The following AKT3 variants were observed in gnomAD, a reference collection of about 807,000 sequenced individuals.
AKT3 encodes the protein RAC-gamma serine/threonine-protein kinase.
A neutral mutation model predicts 65.3 loss-of-function variants in AKT3; 15 were observed. The observed-to-expected ratio is 0.23, with a 90% CI of 0.15 to 0.35. The LOEUF (loss-of-function observed/expected upper bound fraction) is 0.35. AKT3 is among the 10% of genes least tolerant of loss of function. The pLI, the probability that AKT3 is intolerant of heterozygous loss-of-function variation, is 1.00. For synonymous variants in AKT3, 206 were observed against 183.8 expected, an observed-to-expected ratio of 1.12 and a Z score of -0.98; for missense variants, 243 against 576.5, an observed-to-expected ratio of 0.42 and a Z score of 5.92.
chr1:243,636,308 T>A (rs1231363381), intron 6 of AKT3, among the ~76,000 whole-genome samples: 6 of 152,088 alleles, frequency 3.9e-5, no homozygotes, highest in Non-Finnish European at 2.9e-5. Flanking sequence ...ACTATTATAT[T>A]TATCTATTCA....
At chr1:243,632,664 A>G (rs1190932428) in intron 6 of AKT3, among the ~76,000 whole-genome samples, 2 of 152,226 alleles carry the variant, frequency 1.3e-5, no homozygotes, top group African/African-American at 4.8e-5. Context: ...TTTCTAAGGA[A>G]GTCCTAAGTT....
At chr1:243,850,375 T>C (rs1695727579), upstream of AKT3, among the ~76,000 whole-genome samples, 1 of 150,512 alleles carries the variant, frequency 6.6e-6, no homozygotes, top group Non-Finnish European at 1.5e-5. Context: ...GCGGAGACTC[T>C]ACATGGGAAT....
At chr1:243,777,759 C>T (rs944918329) in intron 2 of AKT3, among the ~76,000 whole-genome samples, 4 of 152,044 alleles carry the variant, frequency 2.6e-5, no homozygotes, top group Non-Finnish European at 5.9e-5. Flanking sequence ...TTTTGGAAGA[C>T]ATTACACAAA....
At chr1:243,601,439 C>A (rs953276070) in intron 8 of AKT3, among the ~76,000 whole-genome samples, 5 of 151,970 alleles carry the variant, frequency 3.3e-5, no homozygotes, top group Non-Finnish European at 5.9e-5. Flanking sequence ...GACTACCATG[C>A]CAAGTGTGGT....
chr1:243,827,420 T>C (rs552111920), intron 2 of AKT3, among the ~76,000 whole-genome samples: 1 of 152,324 alleles, frequency 6.6e-6, no homozygotes, highest in South Asian at 2.1e-4. Flanking sequence ...GAAATTAAGA[T>C]ACCCTCTGCC....
chr1:243,655,916 A>G (rs932171659), intron 4 of AKT3, among the ~76,000 whole-genome samples: 1 of 152,176 alleles, frequency 6.6e-6, no homozygotes, highest in African/African-American at 2.4e-5. Context: ...TCTTTCTTCA[A>G]TACAGTTTTG....
chr1:243,685,729 C>T (rs1030790358), intron 3 of AKT3, among the ~76,000 whole-genome samples: 1 of 152,070 alleles, frequency 6.6e-6, no homozygotes, highest in African/African-American at 2.4e-5. Context: ...CACTCCTATT[C>T]AACATAGTAT....
chr1:243,804,498 T>C (rs1481770270), intron 2 of AKT3, among the ~76,000 whole-genome samples: 1 of 152,216 alleles, frequency 6.6e-6, no homozygotes. Context: ...CTCACATAGT[T>C]ATCATTTTTG....
intron 2 of AKT3, among the ~76,000 whole-genome samples, chr1:243,781,105 TA>T (rs1260649927): frequency 6.6e-6 from 1 of 152,138 alleles, no homozygotes; most frequent in Non-Finnish European, 1.5e-5. Flanking sequence ...TACAGCCTTC[TA>T]AAATTTTTTT....
chr1:243,767,644 TAAAA>T (rs1309190386), intron 2 of AKT3, among the ~76,000 whole-genome samples: 1 of 152,062 alleles, frequency 6.6e-6, no homozygotes, highest in African/African-American at 2.4e-5. Context: ...CATTTAGAGA[TAAAA>T]AATTTACATA....
Position 243,489,230 on chromosome 1 carries a change from C to T in AKT3, c.*7-780G>A, listed in dbSNP as rs571164482. The T allele has an allele frequency of 2.3e-4, 345 of 1,491,202 alleles. 1 individual carries two copies. The highest frequency in any genetic ancestry group is 3.0e-4 in the Non-Finnish European group (333 of 1,097,218). 92.4% of individuals were successfully genotyped at this position (1,491,202 alleles called of 1,614,324 possible). On this transcript the variant is annotated intron_variant, in intron 13 of 13. Transcript: ENST00000336199. Reference sequence around the variant, plus strand: ...GCACCTCAACAGGCCGGCTTTCTCACGGATCACATCGGTTAGCAGTAAGCT... The same window carrying T: ...GCACCTCAACAGGCCGGCTTTCTCATGGATCACATCGGTTAGCAGTAAGCT...
chr1:243,488,942 T>C, intron 13 of AKT3: 1 of 1,610,358 alleles, frequency 6.2e-7, no homozygotes. Context: ...TTCCCTCAGA[T>C]ACACACAGCC....
In AKT3 at chr1:243,577,341, T is replaced by C. The variant is rs201940762; in HGVS notation, c.697-4293A>G. Among the ~76,000 whole-genome samples the C allele has an allele frequency of 3.3e-5, 5 of 152,224 alleles. No individual in the cohort carries two copies. In the East Asian group the frequency reaches 9.6e-4, roughly 29 times the overall value. ...TTTATATTTTTAGTAGAGATGGGGTTTCACCATGTTGGCCAGGCTGGTCTC... is the reference window on the plus strand; with the variant it reads ...TTTATATTTTTAGTAGAGATGGGGTCTCACCATGTTGGCCAGGCTGGTCTC... On this transcript the variant is annotated intron_variant, in intron 8 of 13. Transcript: ENST00000673466.
At chr1:243,633,679 A>G (rs1558669119) in intron 6 of AKT3, among the ~76,000 whole-genome samples, 1 of 152,178 alleles carries the variant, frequency 6.6e-6, no homozygotes, top group African/African-American at 2.4e-5. Context: ...TTTCACTAAA[A>G]AATCAATTAA....
rs1669146730 is a variant in AKT3, at chr1:243,500,339, C to T, written c.*4910G>A. 4.4e-6 allele frequency: 1 copy of T among 225,040 alleles called. No individual in the cohort carries two copies. Among genetic ancestry groups the T allele is most frequent in the Admixed American group, 5.7e-5 (1 of 17,550 alleles). The allele number at this position is 225,040 out of a possible 1,614,324, so 13.9% of individuals were successfully genotyped here. The stretch of plus-strand genomic sequence containing the variant: ...TCAGGAGACACCAGGAAGCACTATG[C>T]ATTACTCTTTCCATTCTGTTAAACA... On this transcript the variant is annotated 3_prime_UTR_variant, in exon 14 of 14. Transcript: ENST00000673466.
intron 3 of AKT3, among the ~76,000 whole-genome samples, chr1:243,675,567 C>T (rs1040382681): frequency 4.6e-5 from 7 of 152,222 alleles, no homozygotes; most frequent in African/African-American, 1.7e-4. Context: ...CCCCATTCCT[C>T]TCCTTCGTTT....
At position 243,777,390 on chromosome 1, in the gene AKT3, T is replaced by A. The variant is rs562849221; in HGVS notation, c.46+65735A>T. ...GGGGCAGTCCTAACAGGCCATGGAC[T>A]GGTACTGGTCCACAGCATGGGTGTT... On this transcript the variant is annotated intron_variant, in intron 2 of 13. Transcript: ENST00000673466. 1.2e-3 allele frequency among the ~76,000 whole-genome samples: 179 copies of A among 152,330 alleles called. 3 individuals are homozygous for A. The highest frequency in any genetic ancestry group is 1.9e-4 in the Non-Finnish European group (13 of 68,032).
chr1:243,633,662 T>C (rs1355052135), intron 6 of AKT3, among the ~76,000 whole-genome samples: 1 of 151,936 alleles, frequency 6.6e-6, no homozygotes, highest in Non-Finnish European at 1.5e-5. Flanking sequence ...ACAAGAGAAT[T>C]AAAATGTTTC....
chr1:243,492,604 GTTTTTTTTTTTT>G (rs74162289), intron 13 of AKT3, among the ~76,000 whole-genome samples: 1 of 58,866 alleles, frequency 1.7e-5, no homozygotes, highest in African/African-American at 6.9e-5. Flanking sequence ...GCGCCCAGCT[GTTTTTTTTTTTT>G]TTTTTTTTTT....
Sources: gnomAD v4.1 joint callset for allele counts (sites outside exome capture counted in the v4.1 genomes callset) on GRCh38, gnomAD v4.1.1 for gene constraint, MANE v1.5 for transcripts, NCBI Gene and HGNC (gene_info 2026-07-23, HGNC 2026-07-21) for gene names.